Variants in MYRIP observed in about 807,000 individuals in gnomAD.
MYRIP encodes myosin VIIA and Rab interacting protein, also known as rab effector MyRIP.
Under a neutral mutation model 98.0 loss-of-function variants are expected in MYRIP, and 49 were observed. The ratio of observed to expected loss-of-function variants is 0.50; its 90% confidence interval spans 0.40 to 0.63. The LOEUF (loss-of-function observed/expected upper bound fraction) is 0.63, where lower values mean the gene tolerates loss of function less well. MYRIP is among the 30% of genes least tolerant of loss of function. The pLI, the probability that MYRIP is intolerant of heterozygous loss-of-function variation, is 0.00. For synonymous variants in MYRIP, 404 were observed against 409.5 expected (o/e 0.99, Z 0.16); for missense variants, 1,004 against 1,058.2 (o/e 0.95, Z 0.71).
chr3:39,943,866 C>T (rs1010156767), intron 2 of MYRIP, among the ~76,000 whole-genome samples: 4 of 152,066 alleles, frequency 2.6e-5, no homozygotes, highest in Non-Finnish European at 4.4e-5. Flanking sequence ...GGACCCTGAT[C>T]GATTCAATAT....
At chr3:40,063,259 A>G (rs1575506543) in intron 3 of MYRIP, among the ~76,000 whole-genome samples, 1 of 152,206 alleles carries the variant, frequency 6.6e-6, no homozygotes, top group African/African-American at 2.4e-5. Context: ...GTAGGGGAAT[A>G]TAGCTACAAA....
intron 2 of MYRIP, among the ~76,000 whole-genome samples, chr3:39,963,895 C>A (rs1945381618): frequency 6.6e-6 from 1 of 152,124 alleles, no homozygotes; most frequent in South Asian, 2.1e-4. Flanking sequence ...GTTTACGTTT[C>A]AGATTGAGAA....
At chr3:40,015,206 C>T (rs1236009684) in intron 2 of MYRIP, among the ~76,000 whole-genome samples, 2 of 152,178 alleles carry the variant, frequency 1.3e-5, no homozygotes, top group Non-Finnish European at 2.9e-5. Context: ...TCTCAGAGTT[C>T]TAATTGGCTT....
At chr3:39,845,304 A>G (rs753011076) in intron 1 of MYRIP, among the ~76,000 whole-genome samples, 1 of 152,048 alleles carries the variant, frequency 6.6e-6, no homozygotes, top group Non-Finnish European at 1.5e-5. Context: ...TGCCCTTGGG[A>G]TGGTTGGTGT....
intron 2 of MYRIP, among the ~76,000 whole-genome samples, chr3:39,944,374 G>T (rs1468547967): frequency 6.6e-6 from 1 of 152,086 alleles, no homozygotes; most frequent in African/African-American, 2.4e-5. Flanking sequence ...ATTAAAAAAA[G>T]AATAAGGAAG....
At chr3:40,161,484 C>G (rs80332423) in intron 4 of MYRIP, among the ~76,000 whole-genome samples, 4,604 of 152,204 alleles carry the variant, frequency 0.03, 167 homozygotes, top group East Asian at 0.21. Flanking sequence ...GAGACTTGCC[C>G]TGGTGTGCAG....
intron 1 of MYRIP, among the ~76,000 whole-genome samples, chr3:39,847,865 C>T (rs999382537): frequency 2.6e-5 from 4 of 152,146 alleles, no homozygotes; most frequent in African/African-American, 9.7e-5. Flanking sequence ...CAAGGATTTC[C>T]CTGAATCCCA....
At chr3:40,021,392 T>C (rs1203007822) in intron 2 of MYRIP, among the ~76,000 whole-genome samples, 1 of 152,174 alleles carries the variant, frequency 6.6e-6, no homozygotes. Context: ...CTAGATGGAT[T>C]AATCAAATAT....
intron 2 of MYRIP, among the ~76,000 whole-genome samples, chr3:39,916,803 A>G (rs1244556766): frequency 5.3e-5 from 8 of 152,172 alleles, no homozygotes; most frequent in African/African-American, 1.9e-4. Context: ...AACCAAATAT[A>G]AAACCGGCCA....
intron 2 of MYRIP, among the ~76,000 whole-genome samples, chr3:39,929,948 T>C (rs1467291988): frequency 6.6e-6 from 1 of 152,070 alleles, no homozygotes; most frequent in Admixed American, 6.6e-5. Context: ...CATTTTTTTG[T>C]TTACCCATTC....
chr3:39,980,936 A>G lies in MYRIP; in HGVS notation c.111-63114A>G, dbSNP rs1236231398. Among the ~76,000 whole-genome samples, 8 of 152,288 alleles carry G rather than the reference A, an allele frequency of 5.3e-5. No homozygotes were observed. The East Asian group carries it at 1.5e-3, about 29-fold the overall frequency. On this transcript the variant is annotated intron_variant, in intron 2 of 16. Coordinates refer to ENST00000302541, the MANE Select transcript of MYRIP (RefSeq NM_015460.4). The stretch of plus-strand genomic sequence containing the variant: ...TAATGGGTATAGAGTTTAGTTTTAC[A>G]AGACGAAGAGAATTATGGAGATGGA...
chr3:40,220,341 T>G (rs1310474218), intron 11 of MYRIP, among the ~76,000 whole-genome samples: 2 of 152,168 alleles, frequency 1.3e-5, no homozygotes, highest in African/African-American at 2.4e-5. Flanking sequence ...TTAGTTTAAT[T>G]AGATCCCATT....
At chr3:40,167,819 T>A (rs917896487) in intron 7 of MYRIP, among the ~76,000 whole-genome samples, 2 of 152,086 alleles carry the variant, frequency 1.3e-5, no homozygotes, top group African/African-American at 4.8e-5. Flanking sequence ...CATTACCGGT[T>A]TAATATAAAG....
intron 7 of MYRIP, among the ~76,000 whole-genome samples, chr3:40,167,447 T>C (rs747008277): frequency 1.5e-4 from 23 of 152,240 alleles, no homozygotes; most frequent in Non-Finnish European, 2.9e-4. Flanking sequence ...GCTAGCTCCA[T>C]GCCCTACGCT....
chr3:40,021,581 T>C (rs531127161), intron 2 of MYRIP, among the ~76,000 whole-genome samples: 15 of 152,350 alleles, frequency 9.8e-5, no homozygotes, highest in Admixed American at 3.9e-4. Flanking sequence ...GACAGTTTCA[T>C]TTCTCTTGGG....
chr3:39,957,017 T>A (rs1945183648), intron 2 of MYRIP, among the ~76,000 whole-genome samples: 1 of 151,864 alleles, frequency 6.6e-6, no homozygotes. Context: ...TAACAGGCTC[T>A]GTAATTCAGG....
chr3:39,900,984 A>C, intron 2 of MYRIP, 58 bp downstream of exon 2: 1 of 1,279,726 alleles, frequency 7.8e-7, no homozygotes, highest in Non-Finnish European at 1.1e-6. Flanking sequence ...CAAGCGTAAC[A>C]GGTTTCCTGA....
chr3:39,919,217 T>A (rs80090365), intron 2 of MYRIP, among the ~76,000 whole-genome samples: 2 of 152,186 alleles, frequency 1.3e-5, no homozygotes, highest in Non-Finnish European at 1.5e-5. Flanking sequence ...TGGTTTTGAT[T>A]GTTTTCAGAA....
chr3:39,952,441 GT>G (rs1945042875), intron 2 of MYRIP, among the ~76,000 whole-genome samples: 3 of 152,096 alleles, frequency 2.0e-5, no homozygotes, highest in Non-Finnish European at 4.4e-5. Flanking sequence ...TGATGATGTG[GT>G]TTTTGCCCTT....
Sources: allele counts gnomAD v4.1 joint callset (sites outside exome capture counted in the v4.1 genomes callset), GRCh38; gene constraint gnomAD v4.1.1; transcripts MANE v1.5; gene names NCBI Gene and HGNC (gene_info 2026-07-23, HGNC 2026-07-21).